Variants in RBFOX1 observed in about 807,000 individuals in gnomAD.
The protein encoded by RBFOX1 is RNA binding protein fox-1 homolog 1.
A neutral mutation model predicts 57.7 loss-of-function variants in RBFOX1; 8 were observed. The ratio of observed to expected loss-of-function variants is 0.14; its 90% CI spans 0.08 to 0.25. RBFOX1 has a LOEUF of 0.25. RBFOX1 is among the 10% of genes least tolerant of loss of function. The pLI is 1.00. For synonymous variants in RBFOX1, 326 were observed against 222.4 expected (o/e 1.47, Z -4.15); for missense variants, 611 against 548.5 (o/e 1.11, Z -1.14).
intron 5 of RBFOX1, among the ~76,000 whole-genome samples, chr16:7,550,444 C>G (rs1377936112): frequency 6.6e-6 from 1 of 152,104 alleles, no homozygotes; most frequent in African/African-American, 2.4e-5. Context: ...AGCAGCAGAG[C>G]CGTGTTGTCC....
At chr16:5,731,865 A>T (rs1597012989) in intron 3 of RBFOX1, among the ~76,000 whole-genome samples, 1 of 152,120 alleles carries the variant, frequency 6.6e-6, no homozygotes, top group Admixed American at 6.5e-5. Context: ...ATAAGAAGAC[A>T]CCACCATATC....
chr16:7,206,040 G>A (rs2089899685), intron 4 of RBFOX1, among the ~76,000 whole-genome samples: 3 of 152,224 alleles, frequency 2.0e-5, no homozygotes, highest in African/African-American at 7.2e-5. Context: ...AGGCGAGTAG[G>A]ATGTTTAGTT....
At chr16:6,996,203 C>CT (rs1243365590) in intron 3 of RBFOX1, among the ~76,000 whole-genome samples, 1 of 152,144 alleles carries the variant, frequency 6.6e-6, no homozygotes, top group Non-Finnish European at 1.5e-5. Context: ...TTTTGATTTC[C>CT]TAGCCATCTT....
intron 2 of RBFOX1, among the ~76,000 whole-genome samples, chr16:6,544,414 C>A (rs888770653): frequency 5.9e-5 from 9 of 152,184 alleles, no homozygotes; most frequent in South Asian, 2.1e-4. Context: ...TAAATTAGTT[C>A]TTGGCTTCAC....
chr16:7,403,137 G>A (rs1182366597), intron 4 of RBFOX1, among the ~76,000 whole-genome samples: 1 of 152,064 alleles, frequency 6.6e-6, no homozygotes. Flanking sequence ...TACATTTAAG[G>A]TATACCATTT....
At chr16:6,312,653 TTTCCTTCCTTCCTTCCTTCCTTCC>T (rs71145211) in intron 1 of RBFOX1, among the ~76,000 whole-genome samples, 160 of 126,564 alleles carry the variant, frequency 1.3e-3, no homozygotes, top group African/African-American at 2.0e-3. Context: ...TAGTTCCTTC[TTTCCTTCCTTCCTTCCTTCCTTCC>T]TTCCTTCCTT....
intron 5 of RBFOX1, among the ~76,000 whole-genome samples, chr16:7,531,597 C>T (rs1449272097): frequency 6.6e-6 from 1 of 152,144 alleles, no homozygotes; most frequent in African/African-American, 2.4e-5. Flanking sequence ...GAGCCATGCA[C>T]TATGTTGTGT....
At chr16:5,879,036 A>T (rs1325452487) in intron 4 of RBFOX1, among the ~76,000 whole-genome samples, 1 of 152,236 alleles carries the variant, frequency 6.6e-6, no homozygotes, top group Non-Finnish European at 1.5e-5. Flanking sequence ...CACAGGCAAG[A>T]ATTCTGGTCC....
chr16:6,480,189 G>A (rs926883879), intron 2 of RBFOX1, among the ~76,000 whole-genome samples: 3 of 152,106 alleles, frequency 2.0e-5, no homozygotes, highest in Non-Finnish European at 4.4e-5. Context: ...GAACACTTAT[G>A]TACTGGCTTT....
At chr16:6,954,472 T>A (rs1003280352) in intron 3 of RBFOX1, among the ~76,000 whole-genome samples, 24 of 152,174 alleles carry the variant, frequency 1.6e-4, no homozygotes, top group African/African-American at 5.5e-4. Flanking sequence ...AAAACTCAGT[T>A]TAAAACGTAA....
At chr16:5,531,556 C>T (rs937217320) in intron 2 of RBFOX1, among the ~76,000 whole-genome samples, 5 of 152,216 alleles carry the variant, frequency 3.3e-5, no homozygotes, top group African/African-American at 1.2e-4. Context: ...CTGCTACATT[C>T]TAACCAAGGG....
intron 1 of RBFOX1, among the ~76,000 whole-genome samples, chr16:6,311,093 A>G (rs375996334): frequency 7.2e-5 from 11 of 151,964 alleles, no homozygotes; most frequent in South Asian, 2.1e-4. Flanking sequence ...TCAGGAGTTC[A>G]AGACCAGCCT....
chr16:5,953,343 TAGGTTATTTGGGGAC>T lies in RBFOX1; in HGVS notation c.351+86028_351+86042del, dbSNP rs550067863. On this transcript the variant is annotated intron_variant, in intron 4 of 19. Coordinates refer to the RBFOX1 transcript ENST00000641259. ...CATACTTTTAAAAAAATTATTTCCA[TAGGTTATTTGGGGAC>T]AGGTTATTTGGGGACAGGTGGTGTT... Among the ~76,000 whole-genome samples the T allele has an allele frequency of 3.7e-3, 565 of 152,308 alleles. 3 individuals carry two copies. Among genetic ancestry groups the T allele is most frequent in the African/African-American group, 0.013 (545 of 41,570 alleles).
intron 4 of RBFOX1, among the ~76,000 whole-genome samples, chr16:5,997,461 G>A (rs2060510954): frequency 6.6e-6 from 1 of 152,186 alleles, no homozygotes; most frequent in Admixed American, 6.5e-5. Flanking sequence ...TGCTAGCTCT[G>A]TGATATGAAG....
At chr16:6,725,351 G>C (rs1006331947) in intron 3 of RBFOX1, among the ~76,000 whole-genome samples, 1 of 151,950 alleles carries the variant, frequency 6.6e-6, no homozygotes, top group African/African-American at 2.4e-5. Flanking sequence ...GCGCCCGGCC[G>C]GTTTTGGCTA....
intron 3 of RBFOX1, among the ~76,000 whole-genome samples, chr16:6,871,596 C>G (rs771006874): frequency 6.6e-6 from 1 of 151,928 alleles, no homozygotes. Flanking sequence ...TCTCTCCATT[C>G]TCCTTCTATT....
At chr16:6,687,127 A>T (rs754585490) in intron 3 of RBFOX1, among the ~76,000 whole-genome samples, 1 of 152,208 alleles carries the variant, frequency 6.6e-6, no homozygotes. Context: ...TATTGTTATT[A>T]CTTGGGGCAT....
chr16:5,513,517 T>G (rs367627488), intron 2 of RBFOX1, among the ~76,000 whole-genome samples: 4 of 152,310 alleles, frequency 2.6e-5, no homozygotes, highest in Non-Finnish European at 2.9e-5. Context: ...TCTGTGCTCT[T>G]TGGGAGGAAG....
At chr16:5,703,168 T>C (rs2051113718) in intron 3 of RBFOX1, among the ~76,000 whole-genome samples, 1 of 152,218 alleles carries the variant, frequency 6.6e-6, no homozygotes, top group Non-Finnish European at 1.5e-5. Flanking sequence ...TCCTGTATAA[T>C]TGCAACTTTG....
Sources: allele counts gnomAD v4.1 joint callset (sites outside exome capture counted in the v4.1 genomes callset), GRCh38; gene constraint gnomAD v4.1.1; transcripts MANE v1.5; gene names NCBI Gene and HGNC (gene_info 2026-07-23, HGNC 2026-07-21).